The following TADA2A variants were observed in gnomAD, a reference collection of about 807,000 sequenced individuals.
TADA2A encodes transcriptional adaptor 2A, also known as transcriptional adapter 2-alpha.
Under a neutral mutation model 67.4 loss-of-function variants are expected in TADA2A, and 38 were observed. The observed-to-expected ratio is 0.56, with a 90% CI of 0.44 to 0.74. The LOEUF (loss-of-function observed/expected upper bound fraction) is 0.74. TADA2A is among the 30% of genes least tolerant of loss of function. The probability of loss-of-function intolerance (pLI) is 0.00; values close to 1 mark genes in which losing one functional copy is unlikely to be tolerated. For missense variants in TADA2A, 454 were observed against 547.0 expected (o/e 0.83, Z 1.70); for synonymous variants, 192 against 181.6 (o/e 1.06, Z -0.46).
intron 1 of TADA2A, among the ~76,000 whole-genome samples, chr17:37,408,164 G>A (rs1162600662): frequency 6.6e-6 from 1 of 152,196 alleles, no homozygotes; most frequent in Non-Finnish European, 1.5e-5. Context: ...TGAGATTACA[G>A]GCGTGAGCCA....
At chr17:37,451,050 A>G (rs1303429738) in intron 8 of TADA2A, among the ~76,000 whole-genome samples, 12 of 152,110 alleles carry the variant, frequency 7.9e-5, no homozygotes. Flanking sequence ...TAAAAGAAAC[A>G]GAGTCTCATT....
At chr17:37,428,161 T>C (rs1263270000) in intron 4 of TADA2A, among the ~76,000 whole-genome samples, 1 of 152,182 alleles carries the variant, frequency 6.6e-6, no homozygotes, top group Admixed American at 6.6e-5. Context: ...CTATCGATGC[T>C]GCAACAAATT....
At chr17:37,461,831 C>A in intron 9 of TADA2A, 1 of 353,880 alleles carries the variant, frequency 2.8e-6, no homozygotes. Context: ...TTGATTGATT[C>A]ATTCGTTCAG....
In TADA2A at chr17:37,414,563, T is replaced by C. The variant is rs148502882; in HGVS notation, c.25+3173T>C. 1.7e-3 allele frequency among the ~76,000 whole-genome samples: 257 copies of C among 152,310 alleles called. 1 individual carries two copies. Among genetic ancestry groups the C allele is most frequent in the African/African-American group, 4.3e-3 (179 of 41,578 alleles). On this transcript the variant is annotated intron_variant, in intron 2 of 15. Coordinates refer to ENST00000615182, the MANE Select transcript of TADA2A (RefSeq NM_001166105.3). ...TTTTGGCTGACAGAACTAGGAAATA[T>C]ATGCATGTTATGTGCTATATACATA...
At chr17:37,429,868 T>A (rs2057702) in intron 4 of TADA2A, among the ~76,000 whole-genome samples, 37,018 of 152,036 alleles carry the variant, frequency 0.24, 4,608 homozygotes, top group Middle Eastern at 0.36. Flanking sequence ...TTGGAATAAA[T>A]TTTTTCCCCC....
Position 37,477,262 on chromosome 17 carries a change from C to CA in TADA2A, c.*281dup, listed in dbSNP as rs2053909011. ...TAACACCTCTTGTAACTAAAAGAAC[C>CA]ATAGTACCTCACATCACAGTGCTGG... On this transcript the variant is annotated 3_prime_UTR_variant, in exon 16 of 16. Transcript: ENST00000615182. 3.0e-6 allele frequency: 1 copy of CA among 338,736 alleles called. No individual in the cohort carries two copies. Among genetic ancestry groups the CA allele is most frequent in the African/African-American group, 2.1e-5 (1 of 47,940 alleles). 21.0% of individuals were successfully genotyped at this position (338,736 alleles called of 1,614,324 possible). A position where few individuals can be genotyped will look rare whatever the true frequency, so the allele number is the denominator to read the frequency against.
chr17:37,453,266 C>G (rs564114300), intron 8 of TADA2A, among the ~76,000 whole-genome samples: 1 of 152,296 alleles, frequency 6.6e-6, no homozygotes, highest in East Asian at 1.9e-4. Context: ...CAGAATTTAT[C>G]TCTATTATCA....
At chr17:37,441,786 C>A (rs917607415) in intron 6 of TADA2A, among the ~76,000 whole-genome samples, 1 of 151,994 alleles carries the variant, frequency 6.6e-6, no homozygotes, top group African/African-American at 2.4e-5. Context: ...CGTGCCTCAG[C>A]CTCCTGAGTA....
intron 14 of TADA2A, among the ~76,000 whole-genome samples, chr17:37,472,550 CT>C (rs1442952653): frequency 6.6e-6 from 1 of 151,964 alleles, no homozygotes; most frequent in Non-Finnish European, 1.5e-5. Flanking sequence ...TAAGTTAATA[CT>C]GGCTAATTAA....
At chr17:37,453,057 A>G (rs2053276778) in intron 8 of TADA2A, among the ~76,000 whole-genome samples, 1 of 152,224 alleles carries the variant, frequency 6.6e-6, no homozygotes, top group African/African-American at 2.4e-5. Flanking sequence ...GTACTCCTGG[A>G]CATCTCCCAG....
chr17:37,461,195 A>G (rs1178642419), intron 9 of TADA2A, among the ~76,000 whole-genome samples: 1 of 152,036 alleles, frequency 6.6e-6, no homozygotes, highest in African/African-American at 2.4e-5. Context: ...TAGATCCTCC[A>G]CGTGAGCAGT....
intron 8 of TADA2A, 33 bp from the exon 9 acceptor site, chr17:37,458,490 TG>T (rs2053456514): frequency 7.3e-7 from 1 of 1,369,198 alleles, no homozygotes; most frequent in Non-Finnish European, 9.9e-7. Context: ...ATATATGATA[TG>T]TATATATAGT....
chr17:37,419,465 T>A (rs2052162172), intron 2 of TADA2A, among the ~76,000 whole-genome samples: 1 of 146,438 alleles, frequency 6.8e-6, no homozygotes, highest in Non-Finnish European at 1.5e-5. Context: ...TGAGCCACCG[T>A]GGCCCGTGCA....
chr17:37,477,129 T>C lies in TADA2A; in HGVS notation c.*147T>C, dbSNP rs2053907229. ...GGACAAAGGAAACCTTAAGTTGTAT[T>C]GTCTACTTTCTTCTCCATCCTGCTT... is the stretch of plus-strand genomic sequence containing the variant. On this transcript the variant is annotated 3_prime_UTR_variant, in exon 16 of 16. Transcript: ENST00000615182. 1.3e-6 allele frequency: 1 copy of C among 797,518 alleles called. No individual in the cohort carries two copies. The highest frequency in any genetic ancestry group is 1.9e-6 in the Non-Finnish European group (1 of 520,872). The allele number at this position is 797,518 out of a possible 1,614,324, so 49.4% of individuals were successfully genotyped here.
chr17:37,413,293 A>G (rs930593195), intron 2 of TADA2A, among the ~76,000 whole-genome samples: 1 of 152,192 alleles, frequency 6.6e-6, no homozygotes, highest in African/African-American at 2.4e-5. Flanking sequence ...TAAATTTAGG[A>G]GAGAATGGAG....
intron 8 of TADA2A, among the ~76,000 whole-genome samples, chr17:37,447,253 C>G (rs1022123658): frequency 2.0e-5 from 3 of 152,276 alleles, no homozygotes; most frequent in South Asian, 2.1e-4. Flanking sequence ...CTTCTGCCTC[C>G]CAGGCTCAAG....
intron 8 of TADA2A, among the ~76,000 whole-genome samples, chr17:37,456,514 C>T (rs2522966): frequency 0.73 from 110,242 of 151,994 alleles, 40,607 homozygotes; most frequent in East Asian, 0.97. Context: ...GAGATGTAAG[C>T]GTTAAGTGCA....
Position 37,466,746 on chromosome 17 carries a change from A to T in TADA2A, c.824-708A>T, listed in dbSNP as rs569493963. ...TTTATGTGTCATTCCAAAACACTAC[A>T]CCCCATGGATTGTCCAGGCTCTTCC... is the stretch of plus-strand genomic sequence containing the variant. On this transcript the variant is annotated intron_variant, in intron 11 of 15. Transcript: ENST00000615182. 1.1e-4 allele frequency among the ~76,000 whole-genome samples: 16 copies of T among 152,300 alleles called. No individual in the cohort carries two copies. The East Asian group carries it at 1.7e-3, about 17-fold the overall frequency.
chr17:37,420,216 G>A (rs1226598917), intron 2 of TADA2A, among the ~76,000 whole-genome samples: 1 of 145,750 alleles, frequency 6.9e-6, no homozygotes, highest in African/African-American at 2.5e-5. Flanking sequence ...TTGGGAGGCT[G>A]GGGCAGAAGG....
Sources: gnomAD v4.1 joint callset for allele counts (sites outside exome capture counted in the v4.1 genomes callset) on GRCh38, gnomAD v4.1.1 for gene constraint, MANE v1.5 for transcripts, NCBI Gene and HGNC (gene_info 2026-07-23, HGNC 2026-07-21) for gene names.